GRIN2B: variants seen among roughly 807,000 people sequenced by gnomAD.
GRIN2B encodes the protein glutamate ionotropic receptor NMDA type subunit 2B.
GRIN2B carries 5 observed loss-of-function variants against 114.5 expected under a neutral mutation model. The observed-to-expected ratio is 0.04, with a 90% CI of 0.02 to 0.09. The LOEUF (loss-of-function observed/expected upper bound fraction) is 0.09, where lower values mean the gene tolerates loss of function less well. Ranked by LOEUF, GRIN2B falls within the 10% of genes least tolerant of loss-of-function variation. The probability of loss-of-function intolerance (pLI) is 1.00; values close to 1 mark genes in which losing one functional copy is unlikely to be tolerated. For missense variants in GRIN2B, 1,108 were observed against 1,943.5 expected (o/e 0.57, Z 8.08); for synonymous variants, 787 against 745.1 (o/e 1.06, Z -0.92).
At chr12:13,928,558 A>G (rs75561389) in intron 2 of GRIN2B, among the ~76,000 whole-genome samples, 115 of 152,372 alleles carry the variant, frequency 7.5e-4, no homozygotes, top group African/African-American at 2.7e-3. Context: ...TTATAAAAGT[A>G]TAAGGATAAA....
intron 5 of GRIN2B, among the ~76,000 whole-genome samples, chr12:13,637,282 T>C (rs1272894065): frequency 6.6e-6 from 1 of 152,170 alleles, no homozygotes; most frequent in Non-Finnish European, 1.5e-5. Flanking sequence ...GGAATTAATC[T>C]AGATGTAGGT....
chr12:13,798,521 A>C (rs1369583207), intron 3 of GRIN2B, among the ~76,000 whole-genome samples: 1 of 152,200 alleles, frequency 6.6e-6, no homozygotes, highest in Admixed American at 6.5e-5. Context: ...AGAATTATGT[A>C]TGTAAACATA....
intron 3 of GRIN2B, among the ~76,000 whole-genome samples, chr12:13,833,869 A>G (rs528743140): frequency 2.1e-4 from 32 of 152,170 alleles, no homozygotes; most frequent in Non-Finnish European, 2.8e-4. Context: ...TGAAGATTAC[A>G]GATGAAAAAA....
chr12:13,639,474 C>A (rs867078187), intron 5 of GRIN2B, among the ~76,000 whole-genome samples: 1 of 152,164 alleles, frequency 6.6e-6, no homozygotes, highest in African/African-American at 2.4e-5. Context: ...CACTTCTCAA[C>A]GTTCAATGTC....
intron 3 of GRIN2B, among the ~76,000 whole-genome samples, chr12:13,861,903 G>T (rs533484359): frequency 6.6e-5 from 10 of 152,106 alleles, no homozygotes; most frequent in Non-Finnish European, 1.2e-4. Flanking sequence ...TGAATGTTAG[G>T]CTGGACACTT....
chr12:13,828,093 T>A (rs1434539146), intron 3 of GRIN2B, among the ~76,000 whole-genome samples: 1 of 152,278 alleles, frequency 6.6e-6, no homozygotes, highest in Non-Finnish European at 1.5e-5. Context: ...TGTGTATGTG[T>A]GTATGTGCAT....
chr12:13,567,573 A>G (rs774293189), intron 12 of GRIN2B, among the ~76,000 whole-genome samples: 4 of 152,192 alleles, frequency 2.6e-5, no homozygotes, highest in Non-Finnish European at 5.9e-5. Flanking sequence ...ATAAATAATC[A>G]CAATGACAAG....
chr12:13,712,231 G>T (rs1470987734), intron 4 of GRIN2B, among the ~76,000 whole-genome samples: 1 of 150,722 alleles, frequency 6.6e-6, no homozygotes, highest in African/African-American at 2.4e-5. Flanking sequence ...GCCTGTTGTA[G>T]GGTGGGGGGA....
At chr12:13,623,491 G>C (rs1030366443) in intron 5 of GRIN2B, among the ~76,000 whole-genome samples, 1 of 152,200 alleles carries the variant, frequency 6.6e-6, no homozygotes, top group African/African-American at 2.4e-5. Flanking sequence ...GCCAATCTGA[G>C]GAATGAAACA....
At chr12:13,786,781 C>T (rs1490775446) in intron 3 of GRIN2B, among the ~76,000 whole-genome samples, 1 of 152,182 alleles carries the variant, frequency 6.6e-6, no homozygotes, top group Non-Finnish European at 1.5e-5. Context: ...GAAAGGGAAA[C>T]TGACACAGCT....
intron 2 of GRIN2B, among the ~76,000 whole-genome samples, chr12:13,937,623 C>A (rs1393882263): frequency 1.3e-5 from 2 of 151,382 alleles, no homozygotes; most frequent in African/African-American, 4.9e-5. Context: ...TGAAGGGAAA[C>A]AACACAAGAT....
intron 3 of GRIN2B, among the ~76,000 whole-genome samples, chr12:13,840,394 G>T (rs1032904572): frequency 2.0e-5 from 3 of 152,190 alleles, no homozygotes; most frequent in African/African-American, 7.2e-5. Flanking sequence ...GTAAATGAAT[G>T]TATCAGTGCA....
intron 2 of GRIN2B, among the ~76,000 whole-genome samples, chr12:13,916,816 C>A (rs1194539556): frequency 2.0e-5 from 3 of 149,934 alleles, no homozygotes; most frequent in Non-Finnish European, 4.4e-5. Context: ...CAGTTAGTAA[C>A]AATGCTATAG....
Position 13,943,363 on chromosome 12 carries a change from C to CA in GRIN2B, c.-19+36564dup, listed in dbSNP as rs1159040236. Among the ~76,000 whole-genome samples the CA allele has an allele frequency of 3.9e-5, 6 of 152,172 alleles. No homozygotes were observed. In the East Asian group the frequency reaches 1.2e-3, roughly 29 times the overall value. On this transcript the variant is annotated intron_variant, in intron 2 of 13. Coordinates refer to ENST00000609686, the MANE Select transcript of GRIN2B (RefSeq NM_000834.5). ...CACATCTGAAATGGAATCAACCCAT[C>CA]AGGCTTGCTATTTTCCTGACAATAA...
At chr12:13,764,433 C>A (rs1005708673) in intron 3 of GRIN2B, among the ~76,000 whole-genome samples, 3 of 152,124 alleles carry the variant, frequency 2.0e-5, no homozygotes, top group African/African-American at 4.8e-5. Context: ...AAGACCCCAA[C>A]GGAATGCTCT....
At chr12:13,829,875 T>A (rs1865115486) in intron 3 of GRIN2B, among the ~76,000 whole-genome samples, 1 of 152,320 alleles carries the variant, frequency 6.6e-6, no homozygotes. Flanking sequence ...AGGACCTGCC[T>A]CAAAGAGTCT....
intron 3 of GRIN2B, among the ~76,000 whole-genome samples, chr12:13,857,116 T>C (rs1417181933): frequency 6.6e-6 from 1 of 152,150 alleles, no homozygotes; most frequent in Non-Finnish European, 1.5e-5. Flanking sequence ...GATGAGGAAG[T>C]GCAAAAGGCA....
rs186202753 is a variant in GRIN2B at position 13,865,739 on chromosome 12, T to C, written c.411+59A>G. 585 of 1,364,528 alleles carry C rather than the reference T, an allele frequency of 4.3e-4. 1 individual carries two copies. In the African/African-American group the frequency reaches 7.9e-3, roughly 19 times the overall value. The allele number at this position is 1,364,528 out of a possible 1,614,324, so 84.5% of individuals were successfully genotyped here. A position where few individuals can be genotyped will look rare whatever the true frequency, so the allele number is the denominator to read the frequency against. On this transcript the variant is annotated intron_variant, in intron 3 of 13. Transcript: ENST00000609686. ...CAATCAAGTTTTACAGGAAAACAAATGCATGGTTTAGTCCTCAGCACAAAC... is the reference window on the plus strand; with the variant it reads ...CAATCAAGTTTTACAGGAAAACAAACGCATGGTTTAGTCCTCAGCACAAAC...
intron 3 of GRIN2B, among the ~76,000 whole-genome samples, chr12:13,764,894 A>T (rs890445335): frequency 2.0e-5 from 3 of 152,222 alleles, no homozygotes; most frequent in Non-Finnish European, 4.4e-5. Flanking sequence ...TCACTGTTAT[A>T]ATCAGATACT....
Sources: allele counts gnomAD v4.1 joint callset (sites outside exome capture counted in the v4.1 genomes callset), GRCh38; gene constraint gnomAD v4.1.1; transcripts MANE v1.5; gene names NCBI Gene and HGNC (gene_info 2026-07-23, HGNC 2026-07-21).